The following BMX variants were observed in gnomAD, a reference collection of about 807,000 sequenced individuals.
BMX encodes BMX non-receptor tyrosine kinase.
BMX carries 31 observed loss-of-function variants against 59.2 expected under a neutral mutation model. That is an observed-to-expected ratio of 0.52 (90% CI 0.39 to 0.71). The LOEUF is 0.71. BMX is among the 30% of genes least tolerant of loss of function. The pLI is 0.00. For synonymous variants in BMX, 185 were observed against 181.0 expected, an observed-to-expected ratio of 1.02 and a Z score of -0.18; for missense variants, 474 against 491.7, an observed-to-expected ratio of 0.96 and a Z score of 0.34.
Position 15,522,384 on chromosome X carries a change from T to A in BMX, c.549T>A (p.Asp183Glu), listed in dbSNP as rs565126348. 1.8e-4 allele frequency: 219 copies of A among 1,210,286 alleles called. 2 individuals are homozygous for A. In the South Asian group the frequency reaches 3.6e-3, roughly 20 times the overall value. The change falls in exon 7 of 19, where the codon GAT (aspartate) becomes GAA (glutamate). Residue 183 changes from aspartate to glutamate, a missense_variant. By Grantham distance (45) the Asp-to-Glu change is conservative. Coordinates refer to ENST00000348343, the MANE Select transcript of BMX (RefSeq NM_203281.3). ...GGGCAGTTCCTGTTCTCAAAATGGA[T>A]GCACCATCTTCAAGTACCACTCTAG... Reference protein sequence around the residue: ...IPRAVPVLKMDAPSSSTTLAQ... With the variant: ...IPRAVPVLKMEAPSSSTTLAQ...
chrX:15,527,359 T>C (rs1924843394), intron 9 of BMX, among the ~76,000 whole-genome samples: 1 of 105,449 alleles, frequency 9.5e-6, no homozygotes, highest in South Asian at 4.2e-4. Context: ...CACCTGGACA[T>C]TTGACATAAA....
chrX:15,523,311 T>C (rs1357597219), intron 7 of BMX, among the ~76,000 whole-genome samples: 1 of 112,150 alleles, frequency 8.9e-6, no homozygotes, highest in African/African-American at 3.2e-5. Context: ...AGGGAAGTCA[T>C]GTCTGCCTTT....
chrX:15,525,318 T>C lies in BMX; in HGVS notation c.783T>C (p.Ser261=). ...GCAGCAGTGAAGATGTTGCAAGCAG[T>C]AACCAAAAAGAAAGAAATGTGAATC... ...SSSSSEDVAS[S]NQKERNVNHT... The change falls in exon 8 of 19, where the codon AGT becomes AGC. Residue 261 remains serine (S), a synonymous_variant. Coordinates refer to ENST00000348343, the MANE Select transcript of BMX (RefSeq NM_203281.3). 8.3e-7 allele frequency: 1 copy of C among 1,210,696 alleles called. No homozygotes were observed. The highest frequency in any genetic ancestry group is 1.1e-6 in the Non-Finnish European group (1 of 894,700).
chrX:15,514,896 T>C (rs1345427832), intron 4 of BMX, among the ~76,000 whole-genome samples: 6 of 110,410 alleles, frequency 5.4e-5, no homozygotes. Flanking sequence ...AAAAAGTGAG[T>C]GATTATAAAG....
chrX:15,549,930 A>T lies in BMX; in HGVS notation c.1886A>T (p.His629Leu). Residue 629 changes from histidine (H) to leucine (L), a missense_variant, in exon 18 of 19, where the codon CAC becomes CTC. Coordinates refer to ENST00000348343, the MANE Select transcript of BMX (RefSeq NM_203281.3). ...GTGGTTCTGAAGGTCTCCCAGGGCC[A>T]CAGGCTTTACCGGCCCCACCTGGCA... ...SQVVLKVSQG[H>L]RLYRPHLASD... 1 of 1,210,250 alleles carries T rather than the reference A, an allele frequency of 8.3e-7. No individual in the cohort carries two copies. The highest frequency in any genetic ancestry group is 2.3e-4 in the Middle Eastern group (1 of 4,351).
At chrX:15,549,805 C>CT (rs763245426) in intron 17 of BMX, 35 bp from the exon 18 acceptor site, 2 of 1,179,271 alleles carry the variant, frequency 1.7e-6, no homozygotes, top group South Asian at 3.9e-5. Flanking sequence ...AGCTCTCTTC[C>CT]TTTTTTATCT....
chrX:15,542,996 C>A, intron 15 of BMX, 75 bp from the exon 16 acceptor site: 1 of 990,609 alleles, frequency 1.0e-6, no homozygotes, highest in Non-Finnish European at 1.4e-6. Context: ...GCTGAGAATT[C>A]TACTCAAAAG....
chrX:15,516,043 C>G, intron 4 of BMX, 69 bp from the exon 5 acceptor site: 1 of 1,180,412 alleles, frequency 8.5e-7, no homozygotes, highest in East Asian at 3.0e-5. Flanking sequence ...GATAACAGCA[C>G]TTACTGAATG....
At chrX:15,513,632 C>CT (rs773535919) in intron 4 of BMX, among the ~76,000 whole-genome samples, 1 of 112,199 alleles carries the variant, frequency 8.9e-6, no homozygotes, top group Admixed American at 9.4e-5. Flanking sequence ...TTAACCTACA[C>CT]TTGGAAGGTT....
At chrX:15,522,219 C>T in intron 6 of BMX, 127 bp from the exon 7 acceptor site, 4 of 873,402 alleles carry the variant, frequency 4.6e-6, no homozygotes, top group Non-Finnish European at 4.8e-6. Flanking sequence ...CCCTTCCTCC[C>T]TCCCTTCCTC....
At chrX:15,502,776 T>C (rs977139582) in intron 1 of BMX, among the ~76,000 whole-genome samples, 3 of 112,225 alleles carry the variant, frequency 2.7e-5, no homozygotes, top group African/African-American at 9.7e-5. Context: ...TTTTTGTTCT[T>C]GTTTAAACCT....
chrX:15,534,744 T>A (rs1383323861), intron 12 of BMX, among the ~76,000 whole-genome samples: 1 of 111,572 alleles, frequency 9.0e-6, no homozygotes, highest in East Asian at 2.8e-4. Flanking sequence ...ATTACATATA[T>A]AAATAGAAAT....
At position 15,518,959 on chromosome X, in the gene BMX, T is replaced by G. The variant is rs779675389; in HGVS notation, c.510+966T>G. On this transcript the variant is annotated intron_variant, in intron 6 of 18. Transcript: ENST00000348343. Reference sequence around the variant, plus strand: ...TTTCAAGATGGCTGTCAGCCAACTTTTTCCCAAGAGTGGAGTTGGCCTATA... The same window carrying G: ...TTTCAAGATGGCTGTCAGCCAACTTGTTCCCAAGAGTGGAGTTGGCCTATA... Among the ~76,000 whole-genome samples, 79 of 112,186 alleles carry G rather than the reference T, an allele frequency of 7.0e-4. 1 individual carries two copies. Among genetic ancestry groups the G allele is most frequent in the African/African-American group, 2.4e-3 (75 of 30,902 alleles).
chrX:15,541,905 T>C (rs570377112), intron 14 of BMX, 77 bp from the exon 15 acceptor site: 7 of 948,802 alleles, frequency 7.4e-6, no homozygotes, highest in African/African-American at 5.8e-5. Flanking sequence ...CAAACAGAAA[T>C]CTGAGAGCAA....
chrX:15,544,746 GA>G (rs1174302810), intron 16 of BMX, among the ~76,000 whole-genome samples: 5 of 111,290 alleles, frequency 4.5e-5, no homozygotes, highest in African/African-American at 1.6e-4. Flanking sequence ...CCCAAACCAG[GA>G]GTGCCAGGGT....
At chrX:15,522,743 C>T (rs1924527932) in intron 7 of BMX, among the ~76,000 whole-genome samples, 156 bp downstream of exon 7, 1 of 112,142 alleles carries the variant, frequency 8.9e-6, no homozygotes, top group Admixed American at 9.4e-5. Context: ...AGCAGTGGCC[C>T]CACTGGGGCT....
At chrX:15,537,333 T>C (rs752659649) in intron 14 of BMX, 28 bp downstream of exon 14, 3 of 1,206,528 alleles carry the variant, frequency 2.5e-6, no homozygotes, top group Non-Finnish European at 2.2e-6. Context: ...AATGGCTGTT[T>C]AGCCCTCATC....
At chrX:15,508,550 C>A in intron 2 of BMX, 59 bp downstream of exon 2, 1 of 936,467 alleles carries the variant, frequency 1.1e-6, no homozygotes, top group Non-Finnish European at 1.5e-6. Flanking sequence ...TAAGTCTCCA[C>A]AAAGTACTTG....
intron 18 of BMX, among the ~76,000 whole-genome samples, chrX:15,554,616 G>A (rs1485282359): frequency 9.0e-6 from 1 of 110,582 alleles, no homozygotes; most frequent in Non-Finnish European, 1.9e-5. Context: ...TCATAGATAG[G>A]CTTTCTCATG....
Sources: allele counts gnomAD v4.1 joint callset (sites outside exome capture counted in the v4.1 genomes callset), GRCh38; gene constraint gnomAD v4.1.1; transcripts MANE v1.5; gene names NCBI Gene and HGNC (gene_info 2026-07-23, HGNC 2026-07-21).